The following RABGAP1L variants were observed in gnomAD, a reference collection of about 807,000 sequenced individuals.
RABGAP1L encodes RAB GTPase activating protein 1 like.
RABGAP1L carries 63 observed loss-of-function variants against 137.7 expected under a neutral mutation model. The observed-to-expected ratio is 0.46, with a 90% CI of 0.37 to 0.56. The LOEUF (loss-of-function observed/expected upper bound fraction) is 0.56, where lower values mean the gene tolerates loss of function less well. RABGAP1L is among the 20% of genes least tolerant of loss of function. The pLI, the probability that RABGAP1L is intolerant of heterozygous loss-of-function variation, is 0.00. For synonymous variants in RABGAP1L, 431 were observed against 433.7 expected (o/e 0.99, Z 0.08); for missense variants, 1,095 against 1,244.0 (o/e 0.88, Z 1.80).
At chr1:174,706,096 A>G (rs1680024438) in intron 17 of RABGAP1L, among the ~76,000 whole-genome samples, 1 of 152,180 alleles carries the variant, frequency 6.6e-6, no homozygotes, top group Admixed American at 6.5e-5. Context: ...TTGAAACTTT[A>G]TGCTTAGAAG....
At chr1:174,321,643 C>T (rs7552830) in intron 11 of RABGAP1L, among the ~76,000 whole-genome samples, 87,331 of 152,004 alleles carry the variant, frequency 0.57, 27,464 homozygotes, top group African/African-American at 0.85. Context: ...AATATATGCT[C>T]CCATTTCACT....
intron 19 of RABGAP1L, among the ~76,000 whole-genome samples, chr1:174,951,639 C>T (rs1406032210): frequency 6.6e-6 from 1 of 152,138 alleles, no homozygotes; most frequent in Non-Finnish European, 1.5e-5. Context: ...CCCACATCTT[C>T]TCAAGCATGT....
At chr1:174,349,764 G>A (rs1431417942) in intron 11 of RABGAP1L, among the ~76,000 whole-genome samples, 308 of 136,918 alleles carry the variant, frequency 2.2e-3, no homozygotes, top group Admixed American at 3.5e-3. Flanking sequence ...CAGACGGGGC[G>A]GCTGGCCGGG....
At chr1:174,426,597 A>G (rs1041241114) in intron 13 of RABGAP1L, among the ~76,000 whole-genome samples, 1 of 152,080 alleles carries the variant, frequency 6.6e-6, no homozygotes, top group Non-Finnish European at 1.5e-5. Context: ...AAGAACTAGA[A>G]GTCGATTTAT....
chr1:174,546,691 A>G (rs923117745), intron 13 of RABGAP1L, among the ~76,000 whole-genome samples: 1 of 152,200 alleles, frequency 6.6e-6, no homozygotes, highest in African/African-American at 2.4e-5. Flanking sequence ...GGAAAAGATT[A>G]TTTGTTTAGC....
intron 13 of RABGAP1L, among the ~76,000 whole-genome samples, chr1:174,397,438 C>G (rs1158437534): frequency 6.6e-6 from 1 of 152,096 alleles, no homozygotes; most frequent in Non-Finnish European, 1.5e-5. Context: ...GTTTCCTATC[C>G]TGAGTGGCCA....
rs953914000 is a variant in RABGAP1L at position 174,831,117 on chromosome 1, C to T, written c.2340+19157C>T. Among the ~76,000 whole-genome samples, 12 of 147,524 alleles carry T rather than the reference C, an allele frequency of 8.1e-5. 1 individual carries two copies. Among genetic ancestry groups the T allele is most frequent in the African/African-American group, 2.2e-4 (9 of 40,430 alleles). ...AATACTTTGGTATCTTTTGGTTGTGCTGGTTCATTGTTCTGTTGAACAATG... is the reference window on the plus strand; with the variant it reads ...AATACTTTGGTATCTTTTGGTTGTGTTGGTTCATTGTTCTGTTGAACAATG... On this transcript the variant is annotated intron_variant, in intron 19 of 25. Transcript: ENST00000681986.
chr1:174,261,717 C>T (rs1673592470), intron 7 of RABGAP1L, among the ~76,000 whole-genome samples: 1 of 152,116 alleles, frequency 6.6e-6, no homozygotes, highest in Non-Finnish European at 1.5e-5. Flanking sequence ...GCTGGATTTA[C>T]TTAGTACTTA....
chr1:174,401,993 C>T (rs1052178499), intron 13 of RABGAP1L, among the ~76,000 whole-genome samples: 1 of 152,160 alleles, frequency 6.6e-6, no homozygotes, highest in Non-Finnish European at 1.5e-5. Flanking sequence ...CTAGACTCTA[C>T]AGTCTAAGTG....
intron 15 of RABGAP1L, among the ~76,000 whole-genome samples, chr1:174,697,100 T>A (rs1351230601): frequency 6.6e-6 from 1 of 152,200 alleles, no homozygotes; most frequent in Non-Finnish European, 1.5e-5. Context: ...TATCTCTGTA[T>A]CCCTAAAGCC....
intron 18 of RABGAP1L, among the ~76,000 whole-genome samples, chr1:174,795,991 T>C (rs773785213): frequency 5.9e-5 from 9 of 152,246 alleles, no homozygotes; most frequent in Non-Finnish European, 1.2e-4. Flanking sequence ...TAACCTGTAT[T>C]GTCTCAGACT....
chr1:174,434,108 T>TACACACACACACAC (rs35509787), intron 13 of RABGAP1L, among the ~76,000 whole-genome samples: 1,949 of 134,052 alleles, frequency 0.015, 28 homozygotes, highest in East Asian at 0.032. Flanking sequence ...CGTGTACACA[T>TACACACACACACAC]ACACACACAC....
At chr1:174,409,296 G>A (rs1481258934) in intron 13 of RABGAP1L, among the ~76,000 whole-genome samples, 1 of 152,210 alleles carries the variant, frequency 6.6e-6, no homozygotes, top group African/African-American at 2.4e-5. Flanking sequence ...AACATAAATT[G>A]TGAAGATTTC....
At chr1:174,377,315 A>T (rs951854834) in intron 12 of RABGAP1L, among the ~76,000 whole-genome samples, 2 of 152,176 alleles carry the variant, frequency 1.3e-5, no homozygotes, top group Admixed American at 1.3e-4. Flanking sequence ...TTCCAATAAA[A>T]ATCTCAGCAG....
chr1:174,914,032 A>G (rs925248397), intron 19 of RABGAP1L, among the ~76,000 whole-genome samples: 1 of 152,366 alleles, frequency 6.6e-6, no homozygotes, highest in Non-Finnish European at 1.5e-5. Flanking sequence ...TTTTTCTGCA[A>G]TTAGATAAGA....
chr1:174,172,856 T>A (rs1665527489), intron 1 of RABGAP1L, among the ~76,000 whole-genome samples: 1 of 152,196 alleles, frequency 6.6e-6, no homozygotes, highest in Admixed American at 6.5e-5. Context: ...TAGTTTGATG[T>A]AGTCCTACTT....
chr1:174,295,400 T>C (rs2148732899), intron 10 of RABGAP1L, among the ~76,000 whole-genome samples: 1 of 151,976 alleles, frequency 6.6e-6, no homozygotes, highest in South Asian at 2.1e-4. Context: ...TTTCTTTTTT[T>C]TGAAATGGAG....
At position 174,543,978 on chromosome 1, in the gene RABGAP1L, A is replaced by G. The variant is rs190603650; in HGVS notation, c.1711-93397A>G. On this transcript the variant is annotated intron_variant, in intron 13 of 25. Coordinates refer to ENST00000681986, the MANE Select transcript of RABGAP1L (RefSeq NM_001366446.1). ...CCGAGAGATCCGCTGTTAGTCTGAT[A>G]GGCTTCCCTTTGTGGGTAACTCGAC... is the stretch of plus-strand genomic sequence containing the variant. 1.7e-3 allele frequency among the ~76,000 whole-genome samples: 266 copies of G among 152,298 alleles called. 1 individual carries two copies. The highest frequency in any genetic ancestry group is 3.1e-3 in the Non-Finnish European group (212 of 68,030).
intron 14 of RABGAP1L, among the ~76,000 whole-genome samples, chr1:174,670,435 T>G (rs1419211820): frequency 1.3e-5 from 2 of 152,122 alleles, no homozygotes; most frequent in African/African-American, 4.8e-5. Flanking sequence ...AATGTACAGT[T>G]AAGTTATTAT....
Sources: allele counts gnomAD v4.1 joint callset (sites outside exome capture counted in the v4.1 genomes callset), GRCh38; gene constraint gnomAD v4.1.1; transcripts MANE v1.5; gene names NCBI Gene and HGNC (gene_info 2026-07-23, HGNC 2026-07-21).